The following DOCK4 variants were observed in gnomAD, a reference collection of about 807,000 sequenced individuals.
The protein encoded by DOCK4 is dedicator of cytokinesis 4.
Under a neutral mutation model 268.1 loss-of-function variants are expected in DOCK4, and 97 were observed. That is an observed-to-expected ratio of 0.36 (90% CI 0.31 to 0.43). The LOEUF is 0.43. DOCK4 is among the 20% of genes least tolerant of loss of function. The pLI, the probability that DOCK4 is intolerant of heterozygous loss-of-function variation, is 1.00. For synonymous variants in DOCK4, 954 were observed against 887.2 expected (o/e 1.08, Z -1.34); for missense variants, 2,145 against 2,455.7 (o/e 0.87, Z 2.67).
chr7:111,834,519 A>G, intron 26 of DOCK4, 69 bp downstream of exon 26: 1 of 1,183,304 alleles, frequency 8.5e-7, no homozygotes, highest in Non-Finnish European at 1.2e-6. Context: ...ATTTATCTCA[A>G]CAGTGATGAA....
chr7:111,977,384 C>A (rs1038697228), intron 7 of DOCK4, 101 bp from the exon 8 acceptor site: 2 of 1,290,884 alleles, frequency 1.5e-6, no homozygotes, highest in Non-Finnish European at 2.0e-6. Flanking sequence ...ATGTCCTACG[C>A]CATAACTTTT....
intron 12 of DOCK4, among the ~76,000 whole-genome samples, chr7:111,924,939 C>A (rs1190602801): frequency 1.3e-5 from 2 of 151,822 alleles, no homozygotes; most frequent in Non-Finnish European, 2.9e-5. Flanking sequence ...GAGGTGGGGG[C>A]TGAGAGTAAA....
intron 1 of DOCK4, among the ~76,000 whole-genome samples, chr7:112,177,556 C>T (rs202161697): frequency 6.6e-6 from 1 of 152,292 alleles, no homozygotes; most frequent in South Asian, 2.1e-4. Context: ...TTCCTCAAAA[C>T]CAGTCACACA....
chr7:112,185,079 A>T (rs184209806), intron 1 of DOCK4, among the ~76,000 whole-genome samples: 1 of 152,334 alleles, frequency 6.6e-6, no homozygotes, highest in Non-Finnish European at 1.5e-5. Flanking sequence ...GACATGGGCT[A>T]TTTAAAAAAT....
chr7:112,010,225 G>A (rs529705073), intron 1 of DOCK4, among the ~76,000 whole-genome samples: 28 of 152,324 alleles, frequency 1.8e-4, no homozygotes, highest in African/African-American at 6.5e-4. Flanking sequence ...CCACTGTAGG[G>A]AAAGATAAAA....
At position 111,728,222 on chromosome 7, in the gene DOCK4, T is replaced by A; in HGVS notation, c.*52A>T. 1 of 1,365,648 alleles carries A rather than the reference T, an allele frequency of 7.3e-7. No homozygotes were observed. Among genetic ancestry groups the A allele is most frequent in the Non-Finnish European group, 9.6e-7 (1 of 1,040,394 alleles). The allele number at this position is 1,365,648 out of a possible 1,614,324, so 84.6% of individuals were successfully genotyped here. On this transcript the variant is annotated 3_prime_UTR_variant, in exon 53 of 53. Transcript: ENST00000428084. ...ACACTAAATGTCTTCTCATCATACTTCTTATTTTGTAAACGGGCAAAGAAT... is the reference window on the plus strand; with the variant it reads ...ACACTAAATGTCTTCTCATCATACTACTTATTTTGTAAACGGGCAAAGAAT...
chr7:111,987,554 T>C (rs1221424123), intron 6 of DOCK4, among the ~76,000 whole-genome samples: 1 of 152,196 alleles, frequency 6.6e-6, no homozygotes, highest in African/African-American at 2.4e-5. Flanking sequence ...TCCACAATAA[T>C]GGAGATTCGA....
At chr7:111,814,037 CT>C (rs1801350092) in intron 27 of DOCK4, among the ~76,000 whole-genome samples, 1 of 152,144 alleles carries the variant, frequency 6.6e-6, no homozygotes, top group African/African-American at 2.4e-5. Flanking sequence ...TAAAAATCAC[CT>C]TGTGGTCCAC....
intron 8 of DOCK4, among the ~76,000 whole-genome samples, chr7:111,961,764 G>T (rs6976227): frequency 2.2e-4 from 34 of 152,260 alleles, no homozygotes; most frequent in African/African-American, 8.2e-4. Flanking sequence ...AGTACATTAT[G>T]AAAAACGTAA....
In DOCK4 at chr7:111,767,054, T is replaced by C. The variant is rs1797803631; in HGVS notation, c.3893A>G (p.Tyr1298Cys). The C allele has an allele frequency of 6.2e-7, 1 of 1,613,750 alleles. No homozygotes were observed. The highest frequency in any genetic ancestry group is 2.2e-5 in the East Asian group (1 of 44,884). Residue 1298 changes from tyrosine (Y) to cysteine (C), a missense_variant, in exon 38 of 53, where the codon TAC (tyrosine) becomes TGC (cysteine). Physicochemically the swap from Tyr to Cys is radical, Grantham distance 194. Transcript: ENST00000428084. ...TACCCGCATCTTGCTCAGGTTTCTG[T>C]AGTCATAATAACTCTCATACTGCTC... Reference protein sequence around the residue: ...IAEQYESYYDYRNLSKMRMME... With the variant: ...IAEQYESYYDCRNLSKMRMME...
intron 8 of DOCK4, among the ~76,000 whole-genome samples, chr7:111,957,927 T>C (rs1030370139): frequency 1.3e-5 from 2 of 152,176 alleles, no homozygotes; most frequent in Non-Finnish European, 2.9e-5. Context: ...ACAATTTTTA[T>C]GTACTTTTTT....
At chr7:111,969,165 C>A in intron 8 of DOCK4, among the ~76,000 whole-genome samples, 2 of 135,468 alleles carry the variant, frequency 1.5e-5, no homozygotes, top group South Asian at 2.4e-4. Context: ...ACATATGTAA[C>A]TAACCTGCAC....
intron 14 of DOCK4, among the ~76,000 whole-genome samples, chr7:111,901,128 G>A (rs1354870451): frequency 6.6e-6 from 1 of 152,140 alleles, no homozygotes; most frequent in African/African-American, 2.4e-5. Flanking sequence ...GAGGCCAGGA[G>A]TTCGAGACCA....
chr7:112,076,117 G>T (rs140685720), intron 1 of DOCK4, among the ~76,000 whole-genome samples: 26 of 152,190 alleles, frequency 1.7e-4, no homozygotes, highest in African/African-American at 6.3e-4. Flanking sequence ...GCCATTTAAA[G>T]AACTTTCTTT....
At chr7:111,741,944 T>A (rs1358952270) in intron 45 of DOCK4, 69 bp downstream of exon 45, 2 of 1,503,632 alleles carry the variant, frequency 1.3e-6, no homozygotes, top group African/African-American at 2.8e-5. Context: ...ATTGGATACA[T>A]CATCATCCCT....
intron 1 of DOCK4, among the ~76,000 whole-genome samples, chr7:112,205,585 C>T (rs887241085): frequency 6.6e-6 from 1 of 152,136 alleles, no homozygotes; most frequent in African/African-American, 2.4e-5. Context: ...TGCCACATTC[C>T]ACACTCCGGG....
chr7:111,805,014 C>T (rs1563528758), intron 30 of DOCK4, among the ~76,000 whole-genome samples: 1 of 152,224 alleles, frequency 6.6e-6, no homozygotes. Flanking sequence ...AGACAGGTAG[C>T]ATGACTTAAA....
chr7:111,876,966 A>C, intron 17 of DOCK4, 64 bp downstream of exon 17: 2 of 1,276,622 alleles, frequency 1.6e-6, no homozygotes, highest in Non-Finnish European at 2.0e-6. Context: ...TTTACTGAAT[A>C]TGCTTACCAA....
rs114626853 is a variant in DOCK4, at chr7:111,870,150, A to G, written c.2028-495T>C. Among the ~76,000 whole-genome samples, 592 of 152,234 alleles carry G rather than the reference A, an allele frequency of 3.9e-3. 4 individuals carry two copies. Among genetic ancestry groups the G allele is most frequent in the African/African-American group, 0.014 (571 of 41,538 alleles). On this transcript the variant is annotated intron_variant, in intron 20 of 52. Coordinates refer to ENST00000428084, the MANE Select transcript of DOCK4 (RefSeq NM_001363540.2). ...TATCAAGCCAATTTTCTGACCCATG[A>G]GAAGAACCTGGCTTATGTCAATATG...
Sources: allele counts gnomAD v4.1 joint callset (sites outside exome capture counted in the v4.1 genomes callset), GRCh38; gene constraint gnomAD v4.1.1; transcripts MANE v1.5; gene names NCBI Gene and HGNC (gene_info 2026-07-23, HGNC 2026-07-21).